Variants in CSRNP3 observed in about 807,000 individuals in gnomAD.
CSRNP3 encodes cysteine and serine rich nuclear protein 3.
Under a neutral mutation model 48.0 loss-of-function variants are expected in CSRNP3, and 12 were observed. That is an observed-to-expected ratio of 0.25 (90% CI 0.16 to 0.41). The LOEUF is 0.41. Among genes scored for constraint, CSRNP3 ranks in the 10% least tolerant of loss-of-function variants. The probability of loss-of-function intolerance (pLI) is 1.00; values close to 1 mark genes in which losing one functional copy is unlikely to be tolerated. For synonymous variants in CSRNP3, 263 were observed against 269.7 expected (o/e 0.98, Z 0.24); for missense variants, 580 against 724.4 (o/e 0.80, Z 2.29).
At chr2:165,491,805 T>TG (rs1255201639) in intron 1 of CSRNP3, among the ~76,000 whole-genome samples, 2 of 75,332 alleles carry the variant, frequency 2.7e-5, no homozygotes, top group Admixed American at 1.7e-4. Context: ...TGTTGTGGGG[T>TG]GGGGGGAGGG....
chr2:165,519,222 A>C (rs1684619821), intron 3 of CSRNP3, among the ~76,000 whole-genome samples: 1 of 152,132 alleles, frequency 6.6e-6, no homozygotes, highest in Non-Finnish European at 1.5e-5. Context: ...AATGTCATAG[A>C]ATATAGTTGT....
chr2:165,474,015 T>A (rs551350354), intron 1 of CSRNP3, among the ~76,000 whole-genome samples: 45 of 152,254 alleles, frequency 3.0e-4, no homozygotes, highest in African/African-American at 9.6e-4. Flanking sequence ...TAAGCATGCA[T>A]GTGACTTATT....
intron 2 of CSRNP3, among the ~76,000 whole-genome samples, chr2:165,504,990 T>TA (rs1309245176): frequency 6.6e-6 from 1 of 152,050 alleles, no homozygotes; most frequent in Admixed American, 6.6e-5. Flanking sequence ...GCAACCATGC[T>TA]AAAAAATATA....
Position 165,521,508 on chromosome 2 carries a change from C to T in CSRNP3, c.-24+3547C>T, listed in dbSNP as rs193195548. Among the ~76,000 whole-genome samples, 3 of 152,248 alleles carry T rather than the reference C, an allele frequency of 2.0e-5. No homozygotes were observed. The East Asian group carries it at 5.8e-4, about 29-fold the overall frequency. On this transcript the variant is annotated intron_variant, in intron 3 of 6. Transcript: ENST00000651982. ...CAAATCCAGTTCCCTAGGAATTTTT[C>T]CAAATAATGATTCTTCCATTCTCTC...
intron 4 of CSRNP3, among the ~76,000 whole-genome samples, chr2:165,609,200 A>C (rs1310864836): frequency 6.6e-6 from 1 of 151,438 alleles, no homozygotes; most frequent in African/African-American, 2.4e-5. Flanking sequence ...TCACGCCTGT[A>C]ATCTCAGCAC....
At chr2:165,573,030 C>A (rs763593167) in intron 3 of CSRNP3, among the ~76,000 whole-genome samples, 28 of 151,762 alleles carry the variant, frequency 1.8e-4, no homozygotes, top group Non-Finnish European at 3.5e-4. Context: ...TGTTAGTATA[C>A]TGCAAAAGGA....
Position 165,590,168 on chromosome 2 carries a change from T to A in CSRNP3, c.-23-4875T>A, listed in dbSNP as rs139869486. Among the ~76,000 whole-genome samples, 121 of 152,352 alleles carry A rather than the reference T, an allele frequency of 7.9e-4. No homozygotes were observed. In the East Asian group the frequency reaches 0.014, roughly 18 times the overall value. On this transcript the variant is annotated intron_variant, in intron 3 of 6. Transcript: ENST00000651982. ...ACTCTTTAAGATGGAGAAAATAATATGCTAATCTGAATAGTGGTAAAATCA... is the reference window on the plus strand; with the variant it reads ...ACTCTTTAAGATGGAGAAAATAATAAGCTAATCTGAATAGTGGTAAAATCA...
In CSRNP3 at chr2:165,515,501, C is replaced by T. The variant is rs191857885; in HGVS notation, c.-112-2372C>T. 4.8e-3 allele frequency among the ~76,000 whole-genome samples: 729 copies of T among 151,686 alleles called. 9 individuals carry two copies. Among genetic ancestry groups the T allele is most frequent in the African/African-American group, 0.016 (658 of 41,444 alleles). ...AACTTTAATAATGGGTAGTCAAAAACACGTAATTTTTTTCTTTAGATTTAG... is the reference window on the plus strand; with the variant it reads ...AACTTTAATAATGGGTAGTCAAAAATACGTAATTTTTTTCTTTAGATTTAG... On this transcript the variant is annotated intron_variant, in intron 2 of 6. Transcript: ENST00000651982.
At chr2:165,481,901 C>T (rs934498795) in intron 1 of CSRNP3, among the ~76,000 whole-genome samples, 5 of 151,892 alleles carry the variant, frequency 3.3e-5, no homozygotes, top group African/African-American at 9.7e-5. Flanking sequence ...GACACAAAGA[C>T]GGGAACAATA....
chr2:165,678,666 G>T, intron 6 of CSRNP3, 35 bp from the exon 7 acceptor site: 1 of 1,590,138 alleles, frequency 6.3e-7, no homozygotes, highest in Non-Finnish European at 8.6e-7. Context: ...GTTTGTAATA[G>T]TTCCATGGTG....
intron 4 of CSRNP3, among the ~76,000 whole-genome samples, chr2:165,647,239 A>G (rs553342995): frequency 1.3e-4 from 20 of 152,366 alleles, no homozygotes; most frequent in African/African-American, 4.6e-4. Flanking sequence ...GCTCATTAAT[A>G]TAACTTGTAT....
At chr2:165,484,678 C>G (rs1222580924) in intron 1 of CSRNP3, among the ~76,000 whole-genome samples, 1 of 152,162 alleles carries the variant, frequency 6.6e-6, no homozygotes, top group Non-Finnish European at 1.5e-5. Flanking sequence ...TAATAACTGT[C>G]TTTTCCCGTA....
intron 1 of CSRNP3, among the ~76,000 whole-genome samples, chr2:165,489,492 C>G (rs1334250785): frequency 8.9e-6 from 1 of 112,926 alleles, no homozygotes; most frequent in Non-Finnish European, 1.8e-5. Context: ...GAGACACAAC[C>G]AAAAAAGAGA....
intron 3 of CSRNP3, among the ~76,000 whole-genome samples, chr2:165,559,273 A>G (rs1475169594): frequency 6.6e-6 from 1 of 152,174 alleles, no homozygotes; most frequent in Non-Finnish European, 1.5e-5. Context: ...TTGGTCTGTG[A>G]AGGTGAGAAA....
In CSRNP3 at chr2:165,667,983, A is replaced by T. The variant is rs1186631157; in HGVS notation, c.409-8329A>T. ...GAATATTCACTTATTCATTTTAAAA[A>T]TGTATTAATCAATTACTATGGGACT... On this transcript the variant is annotated intron_variant, in intron 5 of 6. Coordinates refer to ENST00000651982, the MANE Select transcript of CSRNP3 (RefSeq NM_001172173.2). 2.0e-5 allele frequency among the ~76,000 whole-genome samples: 3 copies of T among 152,242 alleles called. No individual in the cohort carries two copies. The East Asian group carries it at 5.8e-4, about 29-fold the overall frequency.
intron 5 of CSRNP3, among the ~76,000 whole-genome samples, chr2:165,675,882 T>G (rs1687414918): frequency 6.6e-6 from 1 of 152,034 alleles, no homozygotes; most frequent in Admixed American, 6.5e-5. Context: ...GACAACATAT[T>G]TGCTGAGTTA....
At chr2:165,592,770 T>A (rs1377739775) in intron 3 of CSRNP3, among the ~76,000 whole-genome samples, 1 of 151,852 alleles carries the variant, frequency 6.6e-6, no homozygotes, top group East Asian at 1.9e-4. Flanking sequence ...TCCCCAGCCA[T>A]GTGTAACTGT....
chr2:165,540,239 A>G (rs1684935977), intron 3 of CSRNP3, among the ~76,000 whole-genome samples: 1 of 151,998 alleles, frequency 6.6e-6, no homozygotes, highest in African/African-American at 2.4e-5. Context: ...GCCTTGGCAA[A>G]TTACTCCCTG....
rs540842389 is a variant in CSRNP3 at position 165,529,849 on chromosome 2, T to C, written c.-24+11888T>C. On this transcript the variant is annotated intron_variant, in intron 3 of 6. Coordinates refer to ENST00000651982, the MANE Select transcript of CSRNP3 (RefSeq NM_001172173.2). ...AAACTCCTATTCCTGTCTATAAAGGTATTTGTGAAGTGTTTAAAGATTTGG... is the reference window on the plus strand; with the variant it reads ...AAACTCCTATTCCTGTCTATAAAGGCATTTGTGAAGTGTTTAAAGATTTGG... Among the ~76,000 whole-genome samples the C allele has an allele frequency of 2.0e-5, 3 of 152,268 alleles. No individual in the cohort carries two copies. The South Asian group carries it at 6.2e-4, about 32-fold the overall frequency.
Sources: gnomAD v4.1 joint callset for allele counts (sites outside exome capture counted in the v4.1 genomes callset) on GRCh38, gnomAD v4.1.1 for gene constraint, MANE v1.5 for transcripts, NCBI Gene and HGNC (gene_info 2026-07-23, HGNC 2026-07-21) for gene names.